FCRLB: variants seen among roughly 807,000 people sequenced by gnomAD.
FCRLB encodes the protein Fc receptor like B, also known as Fc receptor-like B.
A neutral mutation model predicts 33.6 loss-of-function variants in FCRLB; 34 were observed. The observed-to-expected ratio is 1.01, with a 90% confidence interval of 0.77 to 1.35. The LOEUF (loss-of-function observed/expected upper bound fraction) is 1.35. Among genes scored for constraint, FCRLB ranks in the 40% most tolerant of loss-of-function variants. The pLI is 0.00. For synonymous variants in FCRLB, 280 were observed against 255.9 expected (o/e 1.09, Z -0.90); for missense variants, 560 against 580.2 (o/e 0.97, Z 0.36).
exon 6 of FCRLB, chr1:161,725,991 G>A (rs1350824317): frequency 1.2e-6 from 2 of 1,614,192 alleles, no homozygotes; most frequent in South Asian, 1.1e-5. Flanking sequence ...ACAGGCGCGT[G>A]CCAGCGACAG....
chr1:161,726,168 G>C lies in FCRLB; in HGVS notation c.574+81G>C. ...GACAGGAGCTCGGCGAGAAAAGAAG[G>C]GGCGGAAGTTCAAATAGCTGCCACT... On this transcript the variant is annotated intron_variant, in intron 6 of 7. Coordinates refer to ENST00000367948, the Ensembl canonical transcript of FCRLB. This position sits in a 1 kb window ranked among gnomAD's most constrained non-coding sequence, Gnocchi z 5.2. 1 of 1,604,846 alleles carries C rather than the reference G, an allele frequency of 6.2e-7. No individual in the cohort carries two copies. The highest frequency in any genetic ancestry group is 2.2e-5 in the East Asian group (1 of 44,800).
chr1:161,723,354 C>T lies in FCRLB; in HGVS notation c.53-13C>T, dbSNP rs1260316629. On this transcript the variant is annotated splice_polypyrimidine_tract_variant and intron_variant, in intron 4 of 7. Transcript: ENST00000367948. Reference sequence around the variant, plus strand: ...TTGCATGCTGCCCCCTCTCACCCCACTCCCCACCCCAGCTACTCTGGAGAA... The same window carrying T: ...TTGCATGCTGCCCCCTCTCACCCCATTCCCCACCCCAGCTACTCTGGAGAA... 1.9e-6 allele frequency: 3 copies of T among 1,612,762 alleles called. No individual in the cohort carries two copies. Among genetic ancestry groups the T allele is most frequent in the Non-Finnish European group, 2.5e-6 (3 of 1,179,036 alleles).
At chr1:161,724,119 G>T (rs1486450769) in intron 5 of FCRLB, among the ~76,000 whole-genome samples, 1 of 152,090 alleles carries the variant, frequency 6.6e-6, no homozygotes, top group African/African-American at 2.4e-5. Flanking sequence ...CTGCTCTGAG[G>T]ATTAAAAGTG....
At chr1:161,727,421 C>A (rs903250180) in exon 8 of FCRLB, 2 of 1,613,286 alleles carry the variant, frequency 1.2e-6, no homozygotes, top group Non-Finnish European at 1.7e-6. Flanking sequence ...AGCGGCGCCC[C>A]GACTGCGGGG....
chr1:161,726,843 T>C lies in FCRLB; in HGVS notation c.715T>C (p.Tyr239His), dbSNP rs1419142579. 1 of 1,573,016 alleles carries C rather than the reference T, an allele frequency of 6.4e-7. No individual in the cohort carries two copies. The highest frequency in any genetic ancestry group is 8.6e-7 in the Non-Finnish European group (1 of 1,159,588). ...GCCGCTGCAGTTCGCGTTTTACAAG[T>C]ACAGCCGCGCGGTGCGCCGCTTCGA... The change falls in exon 7 of 8, where the codon TAC becomes CAC. Residue 239 changes from tyrosine to histidine, a missense_variant. Physicochemically the swap from Tyr to His is moderately conservative, Grantham distance 83 (BLOSUM62 2). Transcript: ENST00000367948. This position sits in a 1 kb window ranked among gnomAD's most constrained non-coding sequence, Gnocchi z 5.2.
chr1:161,722,511 C>A, intron 2 of FCRLB, 142 bp from the exon 3 acceptor site: 2 of 758,286 alleles, frequency 2.6e-6, no homozygotes, highest in Non-Finnish European at 2.2e-6. Context: ...GCCTGTCTCC[C>A]ACTGGTTCTG....
intron 5 of FCRLB, among the ~76,000 whole-genome samples, chr1:161,723,902 G>A (rs939498271): frequency 2.0e-5 from 3 of 152,204 alleles, no homozygotes; most frequent in African/African-American, 7.2e-5. Flanking sequence ...AAGAGCAAAG[G>A]CTCCAAGGAC....
At chr1:161,727,175 A>AACCCCCAC in intron 7 of FCRLB, 72 bp from the exon 8 acceptor site, 1 of 1,419,914 alleles carries the variant, frequency 7.0e-7, no homozygotes, top group Non-Finnish European at 9.3e-7. Context: ...CCACCGCCCT[A>AACCCCCAC]CGCCCCTCCC....
Position 161,727,267 on chromosome 1 carries a change from TC to T in FCRLB, c.888del (p.Thr297ProfsTer71), listed in dbSNP as rs778543286. 4 of 1,606,294 alleles carry T rather than the reference TC, an allele frequency of 2.5e-6. No homozygotes were observed. The South Asian group carries it at 4.4e-5, about 18-fold the overall frequency. Reference sequence around the variant, plus strand: ...CACAGGTTCTCCCCTGGACCCGGCCTCCACCACCGCCCCAGCTCCATGGGCC... The same window carrying T: ...CACAGGTTCTCCCCTGGACCCGGCCTCACCACCGCCCCAGCTCCATGGGCC... On this transcript the variant is annotated frameshift_variant, in exon 8 of 8. Transcript: ENST00000367948. LOFTEE classifies it low-confidence loss of function (END_TRUNC).
intron 7 of FCRLB, 92 bp from the exon 8 acceptor site, chr1:161,727,155 C>A: frequency 7.2e-7 from 1 of 1,396,532 alleles, no homozygotes; most frequent in African/African-American, 1.5e-5. Flanking sequence ...CCGGCCTTCC[C>A]CATCCCCGCC....
exon 8 of FCRLB, chr1:161,727,438 G>A: frequency 6.2e-7 from 1 of 1,613,284 alleles, no homozygotes; most frequent in Non-Finnish European, 8.5e-7. Flanking sequence ...GGGGCCACCC[G>A]CCTGCGCTCC....
chr1:161,727,872 C>A, exon 8 of FCRLB: 1 of 592,628 alleles, frequency 1.7e-6, no homozygotes, highest in Non-Finnish European at 2.9e-6. Context: ...CAGAATTCAG[C>A]AAGAAGTAGA....
exon 8 of FCRLB, chr1:161,727,451 C>G: frequency 6.2e-7 from 1 of 1,613,718 alleles, no homozygotes; most frequent in Admixed American, 1.7e-5. Context: ...TGCGCTCCGC[C>G]GACGCCCTTG....
In FCRLB at chr1:161,727,614, C is replaced by T. The variant is rs376755660; in HGVS notation, c.1233C>T (p.His411=). The change falls in exon 8 of 8, where the codon CAC becomes CAT. Residue 411 remains histidine, a synonymous_variant. Transcript: ENST00000367948. ...GAACGCCCGAGACCCCCACCTCTCACTTTGCTGTGAGCCCGGGAACCCCAG... is the reference window on the plus strand; with the variant it reads ...GAACGCCCGAGACCCCCACCTCTCATTTTGCTGTGAGCCCGGGAACCCCAG... 4.3e-6 allele frequency: 7 copies of T among 1,613,884 alleles called. No individual in the cohort carries two copies. In the African/African-American group the frequency reaches 8.0e-5, roughly 18 times the overall value.
chr1:161,725,880 C>T (rs1477580067), exon 6 of FCRLB: 2 of 1,614,034 alleles, frequency 1.2e-6, no homozygotes, highest in African/African-American at 1.3e-5. Flanking sequence ...GCTAGTCCTG[C>T]GCTGCCGCGG....
chr1:161,724,369 C>G (rs1022376751), intron 5 of FCRLB, among the ~76,000 whole-genome samples: 2 of 147,264 alleles, frequency 1.4e-5, no homozygotes, highest in African/African-American at 5.1e-5. Context: ...GCGGGCAGAT[C>G]ACCTGAGGTC....
intron 5 of FCRLB, among the ~76,000 whole-genome samples, chr1:161,725,596 T>G (rs1437675601): frequency 6.6e-6 from 1 of 151,930 alleles, no homozygotes; most frequent in Non-Finnish European, 1.5e-5. Context: ...GAACCGAGTT[T>G]GTGCCACTGC....
chr1:161,722,829 G>A, intron 3 of FCRLB, 126 bp downstream of exon 3: 1 of 1,486,630 alleles, frequency 6.7e-7, no homozygotes, highest in Non-Finnish European at 9.2e-7. Flanking sequence ...TTTTTTGGAG[G>A]GGTGAAGAAG....
chr1:161,723,093 T>C, intron 4 of FCRLB, 84 bp downstream of exon 4: 1 of 1,526,406 alleles, frequency 6.6e-7, no homozygotes, highest in South Asian at 1.1e-5. Flanking sequence ...GACTCCTCAC[T>C]TCTTGGCTGC....
Sources: gnomAD v4.1 joint callset for allele counts (sites outside exome capture counted in the v4.1 genomes callset) on GRCh38, gnomAD v4.1.1 for gene constraint, Gnocchi (gnomAD v3.1) non-coding constraint, MANE v1.5 for transcripts, NCBI Gene and HGNC (gene_info 2026-07-23, HGNC 2026-07-21) for gene names.